ROBO2: variants seen among roughly 807,000 people sequenced by gnomAD.
ROBO2 encodes roundabout guidance receptor 2, also known as roundabout homolog 2.
ROBO2 carries 53 observed loss-of-function variants against 160.8 expected under a neutral mutation model. The observed-to-expected ratio is 0.33, with a 90% confidence interval of 0.26 to 0.41. The LOEUF (loss-of-function observed/expected upper bound fraction) is 0.41, where lower values mean the gene tolerates loss of function less well. Among genes scored for constraint, ROBO2 ranks in the 10% least tolerant of loss-of-function variants. ROBO2 has a pLI of 1.00. For missense variants in ROBO2, 1,577 were observed against 1,722.4 expected (o/e 0.92, Z 1.49); for synonymous variants, 664 against 611.7 (o/e 1.09, Z -1.26).
chr3:77,154,291 G>A (rs1431214090), intron 2 of ROBO2, among the ~76,000 whole-genome samples: 1 of 151,960 alleles, frequency 6.6e-6, no homozygotes, highest in East Asian at 1.9e-4. Context: ...TAGGTACAGA[G>A]GAAAAAAACA....
chr3:77,445,653 T>C (rs915596127), intron 2 of ROBO2, among the ~76,000 whole-genome samples: 3 of 152,200 alleles, frequency 2.0e-5, no homozygotes, highest in Admixed American at 1.3e-4. Flanking sequence ...TAAATATAGA[T>C]ATAGCCTTAA....
At chr3:76,467,251 A>T in intron 2 of ROBO2, among the ~76,000 whole-genome samples, 1 of 152,032 alleles carries the variant, frequency 6.6e-6, no homozygotes, top group East Asian at 1.9e-4. Flanking sequence ...GCCATTTTTT[A>T]TTTCTAATTA....
At chr3:75,921,522 T>G (rs1947051881) in intron 1 of ROBO2, among the ~76,000 whole-genome samples, 1 of 152,136 alleles carries the variant, frequency 6.6e-6, no homozygotes, top group Non-Finnish European at 1.5e-5. Context: ...ATTGTTCTAT[T>G]TTTATTGATC....
intron 2 of ROBO2, among the ~76,000 whole-genome samples, chr3:77,359,286 G>C (rs2069583768): frequency 6.6e-6 from 1 of 152,166 alleles, no homozygotes; most frequent in Admixed American, 6.5e-5. Flanking sequence ...TCTCTGTGTG[G>C]GCTTAGAGGG....
chr3:76,634,559 C>T (rs893801539), intron 2 of ROBO2, among the ~76,000 whole-genome samples: 38 of 139,072 alleles, frequency 2.7e-4, no homozygotes, highest in Admixed American at 1.8e-3. Context: ...CAAAGTGAGA[C>T]TTCGTCTCAA....
chr3:76,018,916 A>C (rs2066483073), intron 2 of ROBO2, among the ~76,000 whole-genome samples: 1 of 151,848 alleles, frequency 6.6e-6, no homozygotes, highest in South Asian at 2.1e-4. Flanking sequence ...GTTTTCTCTG[A>C]AGTTCTGTGC....
chr3:77,248,534 C>T (rs1020436973), intron 2 of ROBO2, among the ~76,000 whole-genome samples: 1 of 152,172 alleles, frequency 6.6e-6, no homozygotes. Flanking sequence ...CGCGAGCACC[C>T]CCCTGGAGGC....
intron 2 of ROBO2, among the ~76,000 whole-genome samples, chr3:76,356,678 A>G (rs1376660450): frequency 1.3e-5 from 2 of 151,852 alleles, no homozygotes; most frequent in Non-Finnish European, 2.9e-5. Flanking sequence ...AAAAATGGAC[A>G]TATCTACCGT....
chr3:77,446,752 G>C (rs150427326), intron 2 of ROBO2, among the ~76,000 whole-genome samples: 5 of 151,978 alleles, frequency 3.3e-5, no homozygotes, highest in African/African-American at 1.2e-4. Context: ...CAAAACTATT[G>C]CTCAATAAAT....
chr3:77,373,140 AAAAATTATTAT>A (rs1315185140), intron 2 of ROBO2, among the ~76,000 whole-genome samples: 1 of 147,210 alleles, frequency 6.8e-6, no homozygotes, highest in Non-Finnish European at 1.5e-5. Flanking sequence ...AAATTATTAT[AAAAATTATTAT>A]AAAATTATTA....
chr3:77,607,784 G>T lies in ROBO2; in HGVS notation c.3137-14G>T. The T allele has an allele frequency of 6.2e-7, 1 of 1,611,708 alleles. No individual in the cohort carries two copies. The highest frequency in any genetic ancestry group is 8.5e-7 in the Non-Finnish European group (1 of 1,178,086). Reference sequence around the variant, plus strand: ...CTATTTGGCATCTCTGAATAAATACGTTATTACTTTCAGGTGGGAAAGGTG... The same window carrying T: ...CTATTTGGCATCTCTGAATAAATACTTTATTACTTTCAGGTGGGAAAGGTG... On this transcript the variant is annotated splice_polypyrimidine_tract_variant and intron_variant, in intron 20 of 25. Transcript: ENST00000461745.
At chr3:77,311,769 C>T (rs1340757418) in intron 2 of ROBO2, among the ~76,000 whole-genome samples, 2 of 152,070 alleles carry the variant, frequency 1.3e-5, no homozygotes, top group African/African-American at 4.8e-5. Flanking sequence ...CTCATTCTTT[C>T]GTCTTTTCAT....
At chr3:76,831,422 A>C (rs1255239542) in intron 2 of ROBO2, among the ~76,000 whole-genome samples, 1 of 152,218 alleles carries the variant, frequency 6.6e-6, no homozygotes, top group African/African-American at 2.4e-5. Context: ...TACTGTGAAA[A>C]ATCTGCTAGA....
intron 2 of ROBO2, among the ~76,000 whole-genome samples, chr3:76,555,362 AGAAGAAGAAGAAGAAGAAG>A (rs778184484): frequency 0.1 from 5,114 of 50,512 alleles, 355 homozygotes; most frequent in East Asian, 0.4. Context: ...GGAAGAGAGA[AGAAGAAGAAGAAGAAGAAG>A]AAGAAGAAGA....
intron 2 of ROBO2, among the ~76,000 whole-genome samples, chr3:77,475,500 T>C (rs958759934): frequency 2.6e-5 from 4 of 152,212 alleles, no homozygotes; most frequent in African/African-American, 9.6e-5. Flanking sequence ...AGGTACTACT[T>C]GTGCTTAGGC....
At chr3:76,412,841 G>A (rs1425907746) in intron 2 of ROBO2, among the ~76,000 whole-genome samples, 1 of 152,164 alleles carries the variant, frequency 6.6e-6, no homozygotes, top group Non-Finnish European at 1.5e-5. Context: ...GGGTCTGCAG[G>A]ACAATGGCCC....
chr3:77,602,697 GCCACCACCACCTCCT>G (rs1280374446), intron 20 of ROBO2, among the ~76,000 whole-genome samples: 2 of 53,906 alleles, frequency 3.7e-5, no homozygotes, highest in Admixed American at 2.7e-4. Context: ...CACCGCCGCC[GCCACCACCACCTCCT>G]CCACCACCAC....
At chr3:76,733,974 T>A (rs887225342) in intron 2 of ROBO2, among the ~76,000 whole-genome samples, 4 of 152,128 alleles carry the variant, frequency 2.6e-5, no homozygotes, top group Admixed American at 6.5e-5. Flanking sequence ...AGAGCATCTA[T>A]CGTTATATTT....
intron 2 of ROBO2, chr3:77,316,777 C>G: frequency 8.0e-7 from 1 of 1,249,142 alleles, no homozygotes; most frequent in Non-Finnish European, 1.2e-6. Context: ...CAGTCCTAGA[C>G]CAAGCTTGTG....
Sources: allele counts gnomAD v4.1 joint callset (sites outside exome capture counted in the v4.1 genomes callset), GRCh38; gene constraint gnomAD v4.1.1; transcripts MANE v1.5; gene names NCBI Gene and HGNC (gene_info 2026-07-23, HGNC 2026-07-21).